DUSP16: variants seen among roughly 807,000 people sequenced by gnomAD.
The protein encoded by DUSP16 is dual specificity phosphatase 16.
A neutral mutation model predicts 58.3 loss-of-function variants in DUSP16; 21 were observed. The ratio of observed to expected loss-of-function variants is 0.36; its 90% CI spans 0.26 to 0.52. The LOEUF is 0.52. Among genes scored for constraint, DUSP16 ranks in the 20% least tolerant of loss-of-function variants. DUSP16 has a pLI of 0.94. For synonymous variants in DUSP16, 320 were observed against 323.8 expected (o/e 0.99, Z 0.12); for missense variants, 726 against 819.0 (o/e 0.89, Z 1.39).
intron 3 of DUSP16, among the ~76,000 whole-genome samples, chr12:12,517,002 C>A (rs1944163639): frequency 6.6e-6 from 1 of 152,148 alleles, no homozygotes; most frequent in African/African-American, 2.4e-5. Flanking sequence ...GTAGGTCCTC[C>A]AGGTAAGTGT....
intron 5 of DUSP16, among the ~76,000 whole-genome samples, chr12:12,485,820 G>T (rs1253427490): frequency 9.0e-6 from 1 of 110,584 alleles, no homozygotes; most frequent in Non-Finnish European, 1.8e-5. Flanking sequence ...TGGAGACAGA[G>T]TCTCACTCTG....
chr12:12,477,958 G>T lies in DUSP16; in HGVS notation c.873C>A (p.Leu291=). The part of the protein sequence containing the change: ...ISPNFNFLGQ[L]LDYEKKIKNQ... ...TCTTAATCTTCTTCTCATAGTCCAG[G>T]AGTTGGCCCAGAAAATTGAAGTTTG... is the stretch of plus-strand genomic sequence containing the variant. The change falls in exon 7 of 7, where the codon CTC becomes CTA. Residue 291 remains leucine, a synonymous_variant. Coordinates refer to ENST00000298573, the MANE Select transcript of DUSP16 (RefSeq NM_030640.3). The surrounding 1 kb of genome is among the most constrained non-coding windows in gnomAD (Gnocchi z 4.1). 6.2e-7 allele frequency: 1 copy of T among 1,611,276 alleles called. No homozygotes were observed. The highest frequency in any genetic ancestry group is 8.5e-7 in the Non-Finnish European group (1 of 1,178,204).
chr12:12,480,570 A>G (rs1277409605), intron 5 of DUSP16, among the ~76,000 whole-genome samples: 2 of 152,170 alleles, frequency 1.3e-5, no homozygotes, highest in Non-Finnish European at 2.9e-5. Flanking sequence ...GTTTGTTAAT[A>G]AGCAATTCGT....
At chr12:12,542,543 T>C (rs1219695929) in intron 1 of DUSP16, among the ~76,000 whole-genome samples, 1 of 152,100 alleles carries the variant, frequency 6.6e-6, no homozygotes, top group East Asian at 1.9e-4. Context: ...GTCCTAGAAT[T>C]AGATAGTAGT....
chr12:12,531,115 T>C (rs1041342878), intron 1 of DUSP16, among the ~76,000 whole-genome samples: 1 of 152,204 alleles, frequency 6.6e-6, no homozygotes, highest in African/African-American at 2.4e-5. Context: ...AAAGAACTAA[T>C]TGACTAAAGG....
At chr12:12,510,205 C>T (rs950405935) in intron 3 of DUSP16, among the ~76,000 whole-genome samples, 7 of 152,096 alleles carry the variant, frequency 4.6e-5, no homozygotes, top group African/African-American at 1.7e-4. Flanking sequence ...GATTATACCC[C>T]AGATGAGGAT....
intron 1 of DUSP16, among the ~76,000 whole-genome samples, chr12:12,548,715 T>A (rs1160040845): frequency 6.6e-6 from 1 of 151,916 alleles, no homozygotes; most frequent in Non-Finnish European, 1.5e-5. Flanking sequence ...TCTTGCTGTG[T>A]TCCTCCCAAC....
intron 1 of DUSP16, among the ~76,000 whole-genome samples, chr12:12,548,642 A>AAAAAAGAAAAAG: frequency 7.0e-6 from 1 of 142,974 alleles, no homozygotes; most frequent in Admixed American, 7.1e-5. Context: ...AAAAAAAAAA[A>AAAAAAGAAAAAG]AAAAAGAAAA....
intron 1 of DUSP16, among the ~76,000 whole-genome samples, chr12:12,526,301 C>CTG (rs3983764): frequency 0.57 from 86,184 of 151,888 alleles, 24,709 homozygotes; most frequent in East Asian, 0.66. Context: ...ACAATTTTGT[C>CTG]TGTTTTTATA....
chr12:12,479,723 A>C (rs1007264638), intron 6 of DUSP16, among the ~76,000 whole-genome samples: 8 of 152,178 alleles, frequency 5.3e-5, no homozygotes, highest in Non-Finnish European at 4.4e-5. Context: ...AAAATCACAC[A>C]CACACAATCT....
intron 3 of DUSP16, among the ~76,000 whole-genome samples, chr12:12,513,237 C>G (rs1397158760): frequency 6.6e-6 from 1 of 152,190 alleles, no homozygotes; most frequent in Non-Finnish European, 1.5e-5. Flanking sequence ...CAGCTATACA[C>G]CAGCATAAAA....
chr12:12,514,687 G>A (rs954980237), intron 3 of DUSP16, among the ~76,000 whole-genome samples: 2 of 152,060 alleles, frequency 1.3e-5, no homozygotes, highest in Admixed American at 1.3e-4. Flanking sequence ...TCTTCTTTTG[G>A]AGACAGGGTC....
At chr12:12,495,029 G>A (rs766369178) in intron 4 of DUSP16, among the ~76,000 whole-genome samples, 18 of 152,048 alleles carry the variant, frequency 1.2e-4, no homozygotes, top group Non-Finnish European at 2.4e-4. Context: ...GTGATCTTGG[G>A]AAGGTTACCT....
intron 4 of DUSP16, among the ~76,000 whole-genome samples, chr12:12,498,916 T>A (rs1272196406): frequency 1.3e-5 from 2 of 152,226 alleles, no homozygotes; most frequent in Admixed American, 6.5e-5. Context: ...TTCCTCTCGA[T>A]ACATCTACCT....
rs149550540 is a variant in DUSP16 at position 12,519,275 on chromosome 12, C to T, written c.367+587G>A. On this transcript the variant is annotated intron_variant, in intron 3 of 6. Transcript: ENST00000298573. ...ATCATCTGGTTGCTTAGCATTTCTACGTTGAGACTTTTTTTTAATTATAAA... is the reference window on the plus strand; with the variant it reads ...ATCATCTGGTTGCTTAGCATTTCTATGTTGAGACTTTTTTTTAATTATAAA... Among the ~76,000 whole-genome samples, 387 of 152,288 alleles carry T rather than the reference C, an allele frequency of 2.5e-3. 13 individuals are homozygous for T. In the East Asian group the frequency reaches 0.068, roughly 27 times the overall value.
intron 1 of DUSP16, among the ~76,000 whole-genome samples, chr12:12,532,058 T>C (rs867260814): frequency 6.6e-6 from 1 of 151,912 alleles, no homozygotes; most frequent in Middle Eastern, 3.2e-3. Context: ...CTCGGGAGGC[T>C]GAGGCAGGAG....
chr12:12,561,687 C>T (rs1185248224), intron 1 of DUSP16, among the ~76,000 whole-genome samples: 1 of 152,198 alleles, frequency 6.6e-6, no homozygotes, highest in African/African-American at 2.4e-5. Context: ...AGGCCAGGGC[C>T]CCACTTGGCA....
intron 1 of DUSP16, among the ~76,000 whole-genome samples, chr12:12,558,386 GTT>G (rs139098397): frequency 2.1e-5 from 3 of 143,342 alleles, no homozygotes; most frequent in Admixed American, 7.0e-5. Context: ...AAGATTATAT[GTT>G]TTTTTTTTTT....
chr12:12,513,024 C>T (rs1944100600), intron 3 of DUSP16, among the ~76,000 whole-genome samples: 1 of 152,176 alleles, frequency 6.6e-6, no homozygotes, highest in Non-Finnish European at 1.5e-5. Flanking sequence ...ACATTTATTA[C>T]ACAGAACTGT....
Sources: allele counts gnomAD v4.1 joint callset (sites outside exome capture counted in the v4.1 genomes callset), GRCh38; gene constraint gnomAD v4.1.1; non-coding constraint Gnocchi (gnomAD v3.1); transcripts MANE v1.5; gene names NCBI Gene and HGNC (gene_info 2026-07-23, HGNC 2026-07-21).